Variants in E2F3 observed in about 807,000 individuals in gnomAD.
The protein encoded by E2F3 is transcription factor E2F3.
E2F3 carries 11 observed loss-of-function variants against 44.4 expected under a neutral mutation model. The observed-to-expected ratio is 0.25, with a 90% CI of 0.16 to 0.41. The LOEUF is 0.41. E2F3 is among the 10% of genes least tolerant of loss of function. E2F3 has a pLI of 1.00. For synonymous variants in E2F3, 249 were observed against 253.0 expected (o/e 0.98, Z 0.15); for missense variants, 487 against 583.6 (o/e 0.83, Z 1.70).
At chr6:20,471,726 G>T (rs1412647954) in intron 1 of E2F3, among the ~76,000 whole-genome samples, 1 of 152,156 alleles carries the variant, frequency 6.6e-6, no homozygotes, top group African/African-American at 2.4e-5. Context: ...AGTTAGTATG[G>T]TAATAATGTA....
At chr6:20,442,045 C>G (rs1760794894) in intron 1 of E2F3, among the ~76,000 whole-genome samples, 1 of 151,560 alleles carries the variant, frequency 6.6e-6, no homozygotes, top group Non-Finnish European at 1.5e-5. Context: ...GCCTCATCCT[C>G]ATTCATCACT....
chr6:20,468,961 A>T (rs573066966), intron 1 of E2F3, among the ~76,000 whole-genome samples: 1 of 152,254 alleles, frequency 6.6e-6, no homozygotes, highest in African/African-American at 2.4e-5. Flanking sequence ...AGACCTGGAG[A>T]ACCCCTAGCT....
chr6:20,403,689 T>C, intron 1 of E2F3: 22 of 376,894 alleles, frequency 5.8e-5, no homozygotes, highest in East Asian at 1.1e-4. Flanking sequence ...ACCGCCACCC[T>C]CCCTCTCCTC....
At chr6:20,471,921 T>C (rs565384324) in intron 1 of E2F3, among the ~76,000 whole-genome samples, 138 of 152,220 alleles carry the variant, frequency 9.1e-4, no homozygotes, top group Non-Finnish European at 1.4e-3. Flanking sequence ...TTCATATTTT[T>C]TTATATTACA....
At chr6:20,405,057 G>T (rs1759448344) in intron 1 of E2F3, among the ~76,000 whole-genome samples, 2 of 152,080 alleles carry the variant, frequency 1.3e-5, no homozygotes, top group African/African-American at 4.8e-5. Flanking sequence ...TTTTAACAGT[G>T]TTTGTTGGGC....
At chr6:20,463,853 C>T (rs1222981227) in intron 1 of E2F3, among the ~76,000 whole-genome samples, 1 of 152,222 alleles carries the variant, frequency 6.6e-6, no homozygotes, top group African/African-American at 2.4e-5. Flanking sequence ...TCCCCCACTT[C>T]CAATGCCAGT....
chr6:20,460,491 G>C (rs1014728130), intron 1 of E2F3, among the ~76,000 whole-genome samples: 1 of 151,976 alleles, frequency 6.6e-6, no homozygotes, highest in African/African-American at 2.4e-5. Flanking sequence ...AATACTGCAG[G>C]TACATAATGT....
At chr6:20,483,797 C>T (rs1762307547) in intron 4 of E2F3, among the ~76,000 whole-genome samples, 1 of 152,228 alleles carries the variant, frequency 6.6e-6, no homozygotes, top group Admixed American at 6.5e-5. Flanking sequence ...GATGATTGCA[C>T]ATTTACCATT....
At position 20,402,777 on chromosome 6, in the gene E2F3, A is replaced by T; in HGVS notation, c.393+152A>T. 1 of 1,236,996 alleles carries T rather than the reference A, an allele frequency of 8.1e-7. No homozygotes were observed. Among genetic ancestry groups the T allele is most frequent in the Non-Finnish European group, 1.0e-6 (1 of 989,490 alleles). 76.6% of individuals were successfully genotyped at this position (1,236,996 alleles called of 1,614,324 possible). On this transcript the variant is annotated intron_variant, in intron 1 of 6. Transcript: ENST00000346618. The surrounding 1 kb of genome is among the most constrained non-coding windows in gnomAD (Gnocchi z 5.6). Reference sequence around the variant, plus strand: ...GCCCCTCCAACGAGGGTTCATTGTTAGACCTGAGTGCTCTTCCCGGCGCCA... The same window carrying T: ...GCCCCTCCAACGAGGGTTCATTGTTTGACCTGAGTGCTCTTCCCGGCGCCA...
rs147041885 is a variant in E2F3, at chr6:20,439,049, A to T, written c.393+36424A>T. Among the ~76,000 whole-genome samples, 139 of 152,358 alleles carry T rather than the reference A, an allele frequency of 9.1e-4. 2 individuals are homozygous for T. The highest frequency in any genetic ancestry group is 5.8e-3 in the Admixed American group (89 of 15,300). ...GTTCCTTGTTGACTTTGGGGAAGACATAAATATTATAAAAGAGATTTAGAA... is the reference window on the plus strand; with the variant it reads ...GTTCCTTGTTGACTTTGGGGAAGACTTAAATATTATAAAAGAGATTTAGAA... On this transcript the variant is annotated intron_variant, in intron 1 of 6. Transcript: ENST00000346618.
chr6:20,456,730 G>C (rs923913075), intron 1 of E2F3, among the ~76,000 whole-genome samples: 7 of 152,278 alleles, frequency 4.6e-5, no homozygotes, highest in Admixed American at 3.3e-4. Context: ...ATAAATAATG[G>C]CCTCAGATTC....
chr6:20,402,913 T>C lies in E2F3; in HGVS notation c.393+288T>C, dbSNP rs1199485644. ...GGCCCCCCCTTCTTTTCCTGCACTTTTCCCTACCCCCACTCTCCCTTCCCC... is the reference window on the plus strand; with the variant it reads ...GGCCCCCCCTTCTTTTCCTGCACTTCTCCCTACCCCCACTCTCCCTTCCCC... On this transcript the variant is annotated intron_variant, in intron 1 of 6. Transcript: ENST00000346618. The surrounding 1 kb of genome is among the most constrained non-coding windows in gnomAD (Gnocchi z 5.6). Among the ~76,000 whole-genome samples the C allele has an allele frequency of 6.6e-6, 1 of 152,092 alleles. No homozygotes were observed. Among genetic ancestry groups the C allele is most frequent in the Non-Finnish European group, 1.5e-5 (1 of 67,996 alleles).
At chr6:20,456,391 T>C (rs923341651) in intron 1 of E2F3, among the ~76,000 whole-genome samples, 2 of 152,156 alleles carry the variant, frequency 1.3e-5, no homozygotes, top group Admixed American at 6.5e-5. Flanking sequence ...CTCATTTTAA[T>C]GTATCTGTTC....
intron 5 of E2F3, among the ~76,000 whole-genome samples, chr6:20,487,782 G>A (rs922451517): frequency 1.3e-5 from 2 of 152,130 alleles, no homozygotes; most frequent in Non-Finnish European, 2.9e-5. Context: ...TTTGCGAGCC[G>A]TACAGCCTGT....
At chr6:20,486,901 A>G (rs1561888006) in intron 5 of E2F3, 98 bp downstream of exon 5, 3 of 705,442 alleles carry the variant, frequency 4.3e-6, no homozygotes, top group Non-Finnish European at 7.2e-6. Flanking sequence ...TCCCCCTCCT[A>G]TGAACTTGAT....
intron 1 of E2F3, among the ~76,000 whole-genome samples, chr6:20,470,751 A>G (rs1029663509): frequency 1.3e-5 from 2 of 152,222 alleles, no homozygotes; most frequent in Non-Finnish European, 2.9e-5. Flanking sequence ...GTTTGTTAAC[A>G]TACAGCAGGC....
intron 1 of E2F3, among the ~76,000 whole-genome samples, chr6:20,460,410 C>T (rs749098875): frequency 1.4e-4 from 21 of 152,104 alleles, no homozygotes; most frequent in Non-Finnish European, 2.1e-4. Context: ...ACATTGGAAA[C>T]CATGCCTTAT....
chr6:20,479,772 CA>C, intron 1 of E2F3, 73 bp from the exon 2 acceptor site: 2 of 1,329,774 alleles, frequency 1.5e-6, no homozygotes, highest in Non-Finnish European at 2.1e-6. Context: ...TTTGGCAGGC[CA>C]GCCCACAAAC....
intron 1 of E2F3, among the ~76,000 whole-genome samples, chr6:20,466,808 AG>A (rs1693378806): frequency 6.6e-6 from 1 of 151,814 alleles, no homozygotes; most frequent in African/African-American, 2.4e-5. Context: ...CAGCCTCCCA[AG>A]TAGCTGGGAT....
Sources: gnomAD v4.1 joint callset for allele counts (sites outside exome capture counted in the v4.1 genomes callset) on GRCh38, gnomAD v4.1.1 for gene constraint, Gnocchi (gnomAD v3.1) non-coding constraint, MANE v1.5 for transcripts, NCBI Gene and HGNC (gene_info 2026-07-23, HGNC 2026-07-21) for gene names.